PCDHGA1: variants seen among roughly 807,000 people sequenced by gnomAD.
The protein encoded by PCDHGA1 is protocadherin gamma-A1.
Under a neutral mutation model 58.0 loss-of-function variants are expected in PCDHGA1, and 32 were observed. That is an observed-to-expected ratio of 0.55 (90% CI 0.42 to 0.74). PCDHGA1 has a LOEUF of 0.74. Among genes scored for constraint, PCDHGA1 ranks in the 30% least tolerant of loss-of-function variants. The pLI is 0.00. For synonymous variants in PCDHGA1, 498 were observed against 501.1 expected, an observed-to-expected ratio of 0.99 and a Z score of 0.08; for missense variants, 1,205 against 1,182.3, an observed-to-expected ratio of 1.02 and a Z score of -0.28.
At chr5:141,423,772 A>G (rs767998260) in intron 1 of PCDHGA1, 39 of 1,219,850 alleles carry the variant, frequency 3.2e-5, no homozygotes, top group East Asian at 1.6e-4. Context: ...GGGGCGGCAT[A>G]TATTTAGTTC....
chr5:141,402,915 C>G (rs1232523303), intron 1 of PCDHGA1: 2 of 1,564,688 alleles, frequency 1.3e-6, no homozygotes, highest in Admixed American at 1.9e-5. Flanking sequence ...GCAGCGCGCA[C>G]AGAGATCCTT....
At chr5:141,464,838 A>G (rs2099091245) in intron 1 of PCDHGA1, among the ~76,000 whole-genome samples, 1 of 152,182 alleles carries the variant, frequency 6.6e-6, no homozygotes, top group African/African-American at 2.4e-5. Context: ...TCCTGGGCTC[A>G]AGCAATCCTC....
chr5:141,421,854 C>CCTG (rs761444125), intron 1 of PCDHGA1: 2 of 1,613,762 alleles, frequency 1.2e-6, no homozygotes, highest in Non-Finnish European at 1.7e-6. Flanking sequence ...AGGCTGCTCA[C>CCTG]CTGCTCCTCC....
Position 141,425,378 on chromosome 5 carries a change from C to T in PCDHGA1, c.2422-69429C>T, listed in dbSNP as rs372445707. Among the ~76,000 whole-genome samples the T allele has an allele frequency of 1.6e-4, 25 of 152,174 alleles. 1 individual carries two copies. The highest frequency in any genetic ancestry group is 3.9e-4 in the African/African-American group (16 of 41,522). On this transcript the variant is annotated intron_variant, in intron 1 of 3. Transcript: ENST00000517417. ...TGATATTAAGAGGGTTATGTTGATTCGGAGGTAGTGATAAAGTTCTGTTAA... is the reference window on the plus strand; with the variant it reads ...TGATATTAAGAGGGTTATGTTGATTTGGAGGTAGTGATAAAGTTCTGTTAA...
intron 1 of PCDHGA1, chr5:141,394,248 C>T (rs937129072): frequency 9.3e-6 from 15 of 1,613,816 alleles, no homozygotes; most frequent in Admixed American, 6.7e-5. Flanking sequence ...TGCACACGAC[C>T]CCGACAGCCA....
At chr5:141,345,392 T>C in intron 1 of PCDHGA1, 2 of 1,614,008 alleles carry the variant, frequency 1.2e-6, no homozygotes, top group Non-Finnish European at 1.7e-6. Context: ...CCACCTTCCC[T>C]CATTTATCCT....
intron 1 of PCDHGA1, among the ~76,000 whole-genome samples, chr5:141,348,510 CAG>C (rs1332702860): frequency 6.6e-6 from 1 of 152,056 alleles, no homozygotes; most frequent in Non-Finnish European, 1.5e-5. Flanking sequence ...TTAGCTGTGT[CAG>C]GGGAAATTTG....
chr5:141,456,229 C>G (rs191169523), intron 1 of PCDHGA1, among the ~76,000 whole-genome samples: 9 of 152,234 alleles, frequency 5.9e-5, no homozygotes, highest in African/African-American at 1.7e-4. Context: ...ATCAAACTAA[C>G]TGCTGTTAGG....
At position 141,390,019 on chromosome 5, in the gene PCDHGA1, G is replaced by A. The variant is rs1047341984; in HGVS notation, c.2421+56914G>A. The A allele has an allele frequency of 1.9e-6, 3 of 1,614,002 alleles. No individual in the cohort carries two copies. Among genetic ancestry groups the A allele is most frequent in the Non-Finnish European group, 2.5e-6 (3 of 1,179,896 alleles). Reference sequence around the variant, plus strand: ...GCCATGATTCTGGCCATTGCCTTGCGCCTGCGACGCTCCTCCAGCCCCGCC... The same window carrying A: ...GCCATGATTCTGGCCATTGCCTTGCACCTGCGACGCTCCTCCAGCCCCGCC... On this transcript the variant is annotated intron_variant, in intron 1 of 3. Transcript: ENST00000517417.
intron 1 of PCDHGA1, chr5:141,364,358 T>A: frequency 6.4e-7 from 1 of 1,557,016 alleles, no homozygotes; most frequent in South Asian, 1.2e-5. Context: ...GGGCTGGGGC[T>A]GCGGAGAGCT....
chr5:141,428,057 G>C (rs766786963), intron 1 of PCDHGA1: 2 of 1,609,044 alleles, frequency 1.2e-6, no homozygotes, highest in East Asian at 2.2e-5. Flanking sequence ...AGGTGGTGGC[G>C]GTGGACGCAG....
In PCDHGA1 at chr5:141,334,843, C is replaced by A. The variant is rs1756536672; in HGVS notation, c.2421+1738C>A. On this transcript the variant is annotated intron_variant, in intron 1 of 3. Transcript: ENST00000517417. This position sits in a 1 kb window ranked among gnomAD's most constrained non-coding sequence, Gnocchi z 4.6. ...GGTCAGATAGAAACTATTTCAAAAC[C>A]ATTACAAATGAGCACTGAACCCAGG... Among the ~76,000 whole-genome samples, 1 of 152,150 alleles carries A rather than the reference C, an allele frequency of 6.6e-6. No individual in the cohort carries two copies. The highest frequency in any genetic ancestry group is 1.9e-4 in the East Asian group (1 of 5,178).
intron 1 of PCDHGA1, chr5:141,421,949 C>T (rs749189262): frequency 6.2e-6 from 10 of 1,612,856 alleles, no homozygotes; most frequent in Non-Finnish European, 6.8e-6. Flanking sequence ...GATCACATCC[C>T]AATGTTTACA....
intron 1 of PCDHGA1, chr5:141,366,384 A>T (rs773208585): frequency 1.2e-6 from 2 of 1,614,124 alleles, no homozygotes; most frequent in Admixed American, 3.3e-5. Context: ...ATTGACCCTG[A>T]GGATCTGGAC....
intron 1 of PCDHGA1, chr5:141,389,816 G>A (rs1359127304): frequency 6.2e-7 from 1 of 1,613,776 alleles, no homozygotes; most frequent in Admixed American, 1.7e-5. Flanking sequence ...TGGTCGCCGT[G>A]CGTGACGGTG....
rs779391932 is a variant in PCDHGA1, at chr5:141,419,996, C to T, written c.2422-74811C>T. Reference sequence around the variant, plus strand: ...CCTCGCGGTGATTCTAGCTATTGCTCTACGCCTGCGACAGTCTTTCAGCCC... The same window carrying T: ...CCTCGCGGTGATTCTAGCTATTGCTTTACGCCTGCGACAGTCTTTCAGCCC... On this transcript the variant is annotated intron_variant, in intron 1 of 3. Coordinates refer to ENST00000517417, the MANE Select transcript of PCDHGA1 (RefSeq NM_018912.3). 10 of 1,613,966 alleles carry T rather than the reference C, an allele frequency of 6.2e-6. No homozygotes were observed. In the East Asian group the frequency reaches 2.2e-4, roughly 36 times the overall value.
chr5:141,471,006 T>A (rs560578929), intron 1 of PCDHGA1, among the ~76,000 whole-genome samples: 57 of 150,804 alleles, frequency 3.8e-4, no homozygotes, highest in African/African-American at 1.3e-3. Context: ...CATGAGCCAC[T>A]GTGCCTGGTC....
At chr5:141,374,204 A>G in intron 1 of PCDHGA1, 1 of 1,613,902 alleles carries the variant, frequency 6.2e-7, no homozygotes. Flanking sequence ...GGAGCTGGAG[A>G]AAGGCTCCTT....
At chr5:141,366,856 T>C (rs900954854) in intron 1 of PCDHGA1, 26 of 1,424,752 alleles carry the variant, frequency 1.8e-5, no homozygotes, top group Non-Finnish European at 2.4e-5. Context: ...TAGTGGAACA[T>C]TATTTGCTGT....
Sources: gnomAD v4.1 joint callset for allele counts (sites outside exome capture counted in the v4.1 genomes callset) on GRCh38, gnomAD v4.1.1 for gene constraint, Gnocchi (gnomAD v3.1) non-coding constraint, MANE v1.5 for transcripts, NCBI Gene and HGNC (gene_info 2026-07-23, HGNC 2026-07-21) for gene names.